RAB39A: variants seen among roughly 807,000 people sequenced by gnomAD.
The protein encoded by RAB39A is RAB39A, member RAS oncogene family, also known as ras-related protein Rab-39A.
RAB39A carries 17 observed loss-of-function variants against 20.9 expected under a neutral mutation model. That is an observed-to-expected ratio of 0.81 (90% CI 0.56 to 1.22). RAB39A has a LOEUF of 1.22. Among genes scored for constraint, RAB39A ranks in the 50% most tolerant of loss-of-function variants. RAB39A has a pLI of 0.00. For synonymous variants in RAB39A, 99 were observed against 103.4 expected (o/e 0.96, Z 0.26); for missense variants, 234 against 270.5 (o/e 0.87, Z 0.95).
intron 1 of RAB39A, among the ~76,000 whole-genome samples, chr11:107,953,766 A>T (rs1044894754): frequency 3.9e-5 from 6 of 152,160 alleles, no homozygotes; most frequent in Non-Finnish European, 8.8e-5. Context: ...ATGGGGAAAA[A>T]ATACCACCTA....
At chr11:107,957,479 A>G (rs1028423029) in intron 1 of RAB39A, among the ~76,000 whole-genome samples, 2 of 152,220 alleles carry the variant, frequency 1.3e-5, no homozygotes, top group East Asian at 1.9e-4. Context: ...GCAGTTTTCA[A>G]TTAAGGCAAG....
At chr11:107,939,501 G>T (rs1336721067) in intron 1 of RAB39A, among the ~76,000 whole-genome samples, 1 of 149,540 alleles carries the variant, frequency 6.7e-6, no homozygotes. Flanking sequence ...TGTAGTCCCA[G>T]CTGGAGGCTG....
chr11:107,942,626 C>A (rs541971633), intron 1 of RAB39A, among the ~76,000 whole-genome samples: 3 of 152,252 alleles, frequency 2.0e-5, no homozygotes, highest in Non-Finnish European at 4.4e-5. Flanking sequence ...CACTCAGCCT[C>A]ATTTCTTATA....
In RAB39A at chr11:107,928,744, G is replaced by C. The variant is rs1284796918; in HGVS notation, c.176G>C (p.Gly59Ala). ...FFSRLLEIEP[G>A]KRIKLQLWDT... ...TCCCGCCTGCTGGAGATCGAGCCGG[G>C]CAAGAGGATCAAGCTACAGCTCTGG... Residue 59 changes from glycine to alanine, a missense_variant, in exon 1 of 2, where the codon GGC becomes GCC. Physicochemically the swap from Gly to Ala is moderately conservative, Grantham distance 60. Coordinates refer to ENST00000320578, the MANE Select transcript of RAB39A (RefSeq NM_017516.3). The surrounding 1 kb of genome is among the most constrained non-coding windows in gnomAD (Gnocchi z 4.9). The C allele has an allele frequency of 4.4e-6, 7 of 1,607,566 alleles. No individual in the cohort carries two copies. The highest frequency in any genetic ancestry group is 5.9e-6 in the Non-Finnish European group (7 of 1,176,630).
intron 1 of RAB39A, among the ~76,000 whole-genome samples, chr11:107,958,163 A>G (rs1257998409): frequency 6.6e-6 from 1 of 152,146 alleles, no homozygotes; most frequent in Non-Finnish European, 1.5e-5. Flanking sequence ...AATTGCTGGG[A>G]TTACAGGTGA....
At chr11:107,961,694 A>G (rs2134977568) in intron 1 of RAB39A, among the ~76,000 whole-genome samples, 1 of 152,360 alleles carries the variant, frequency 6.6e-6, no homozygotes, top group Middle Eastern at 3.4e-3. Context: ...ACAGTATGAG[A>G]TGACATAGCA....
chr11:107,928,934 C>T lies in RAB39A; in HGVS notation c.227+139C>T, dbSNP rs969318821. On this transcript the variant is annotated intron_variant, in intron 1 of 1. Coordinates refer to ENST00000320578, the MANE Select transcript of RAB39A (RefSeq NM_017516.3). The surrounding 1 kb of genome is among the most constrained non-coding windows in gnomAD (Gnocchi z 4.9). ...CTCGAAAGTGCAAACACTCCATTCT[C>T]GCTTCCCCTTTGCCCCTCCTCTTCC... is the stretch of plus-strand genomic sequence containing the variant. 7.1e-6 allele frequency: 4 copies of T among 564,624 alleles called. No homozygotes were observed. Among genetic ancestry groups the T allele is most frequent in the East Asian group, 3.2e-5 (1 of 30,832 alleles). The allele number at this position is 564,624 out of a possible 1,614,324, so 35.0% of individuals were successfully genotyped here.
chr11:107,939,466 T>A (rs1591242799), intron 1 of RAB39A, among the ~76,000 whole-genome samples: 2 of 140,612 alleles, frequency 1.4e-5, no homozygotes, highest in Non-Finnish European at 3.1e-5. Flanking sequence ...AAAAAAAAAA[T>A]TAGCCGGGCA....
chr11:107,940,080 T>C (rs1455088484), intron 1 of RAB39A, among the ~76,000 whole-genome samples: 3 of 152,092 alleles, frequency 2.0e-5, no homozygotes, highest in Non-Finnish European at 4.4e-5. Flanking sequence ...AAATATTTAT[T>C]TTAATATATA....
intron 1 of RAB39A, among the ~76,000 whole-genome samples, chr11:107,931,273 CT>C (rs551824175): frequency 6.6e-5 from 10 of 152,160 alleles, no homozygotes; most frequent in Non-Finnish European, 1.3e-4. Flanking sequence ...GCCACCGCGC[CT>C]GGCCTAGATG....
At position 107,963,006 on chromosome 11, in the gene RAB39A, CTACTT is replaced by C. The variant is rs1029960996; in HGVS notation, c.*637_*641del. ...AAAGATATCTAAGGATCCAAGCAAA[CTACTT>C]TAAGCAAATATTTGTAAAATTAAAA... is the stretch of plus-strand genomic sequence containing the variant. On this transcript the variant is annotated 3_prime_UTR_variant, in exon 2 of 2. Transcript: ENST00000320578. The C allele has an allele frequency of 1.3e-5, 2 of 152,016 alleles. No individual in the cohort carries two copies. The highest frequency in any genetic ancestry group is 4.8e-5 in the African/African-American group (2 of 41,478). 9.4% of individuals were successfully genotyped at this position (152,016 alleles called of 1,614,324 possible). A position where few individuals can be genotyped will look rare whatever the true frequency, so the allele number is the denominator to read the frequency against.
chr11:107,940,249 T>A (rs1234979974), intron 1 of RAB39A, among the ~76,000 whole-genome samples: 1 of 151,516 alleles, frequency 6.6e-6, no homozygotes, highest in Non-Finnish European at 1.5e-5. Context: ...ATTTAAGCAA[T>A]ATTTTTATTT....
At chr11:107,933,313 ATGTGTGTGTGTG>A (rs60670768) in intron 1 of RAB39A, among the ~76,000 whole-genome samples, 32,783 of 125,132 alleles carry the variant, frequency 0.26, 4,618 homozygotes, top group Admixed American at 0.39. Flanking sequence ...ATATATATAT[ATGTGTGTGTGTG>A]TGTGTGTGTG....
chr11:107,941,053 G>A (rs1861253251), intron 1 of RAB39A, among the ~76,000 whole-genome samples: 1 of 152,110 alleles, frequency 6.6e-6, no homozygotes. Flanking sequence ...AGCTATAAGA[G>A]AAGACATTAT....
intron 1 of RAB39A, among the ~76,000 whole-genome samples, chr11:107,946,432 GTGTGTA>G (rs1406588295): frequency 3.4e-3 from 72 of 21,164 alleles, no homozygotes; most frequent in South Asian, 8.3e-3. Flanking sequence ...GTGTGTGTGT[GTGTGTA>G]TATATATATA....
intron 1 of RAB39A, among the ~76,000 whole-genome samples, chr11:107,958,081 G>A (rs568402246): frequency 6.6e-5 from 10 of 152,018 alleles, no homozygotes; most frequent in South Asian, 2.1e-4. Flanking sequence ...TGGTAGAGAC[G>A]GGGTTTCACC....
intron 1 of RAB39A, among the ~76,000 whole-genome samples, chr11:107,950,428 T>G (rs1861365743): frequency 6.6e-6 from 1 of 152,128 alleles, no homozygotes; most frequent in African/African-American, 2.4e-5. Flanking sequence ...GTGGTAGGAC[T>G]CATGCATGCC....
At chr11:107,951,445 A>T (rs896855570) in intron 1 of RAB39A, among the ~76,000 whole-genome samples, 3 of 152,168 alleles carry the variant, frequency 2.0e-5, no homozygotes, top group Admixed American at 6.5e-5. Context: ...CCTATTTTAC[A>T]GTTGGCAAAG....
At chr11:107,954,987 C>CTT (rs60838211) in intron 1 of RAB39A, among the ~76,000 whole-genome samples, 5 of 54,894 alleles carry the variant, frequency 9.1e-5, no homozygotes, top group African/African-American at 1.5e-4. Flanking sequence ...AGAAAGCATG[C>CTT]TTTTTTTTTT....
Sources: gnomAD v4.1 joint callset for allele counts (sites outside exome capture counted in the v4.1 genomes callset) on GRCh38, gnomAD v4.1.1 for gene constraint, Gnocchi (gnomAD v3.1) non-coding constraint, MANE v1.5 for transcripts, NCBI Gene and HGNC (gene_info 2026-07-23, HGNC 2026-07-21) for gene names.